The following QRFP variants were observed in gnomAD, a reference collection of about 807,000 sequenced individuals.
The protein encoded by QRFP is orexigenic neuropeptide QRFP.
QRFP carries 7 observed loss-of-function variants against 9.1 expected under a neutral mutation model. That is an observed-to-expected ratio of 0.77 (90% CI 0.44 to 1.45). The LOEUF is 1.45. Ranked by LOEUF, QRFP falls within the 40% of genes most tolerant of loss-of-function variation. The pLI is 0.01. For missense variants in QRFP, 204 were observed against 185.4 expected (o/e 1.10, Z -0.58); for synonymous variants, 91 against 80.2 (o/e 1.13, Z -0.72).
At position 130,893,164 on chromosome 9, in the gene QRFP, G is replaced by A. The variant is rs577280641; in HGVS notation, c.*264C>T. On this transcript the variant is annotated 3_prime_UTR_variant, in exon 3 of 3. Transcript: ENST00000623824. ...TGCCCCTGGGGCCAGGGGGCTGCTC[G>A]GAGTCAAAGCCCCAGGGGAAGAGAG... is the stretch of plus-strand genomic sequence containing the variant. The A allele has an allele frequency of 2.4e-4, 80 of 333,706 alleles. No homozygotes were observed. Among genetic ancestry groups the A allele is most frequent in the Non-Finnish European group, 3.8e-4 (70 of 184,604 alleles). 20.7% of individuals were successfully genotyped at this position (333,706 alleles called of 1,614,324 possible).
chr9:130,893,537 A>G lies in QRFP; in HGVS notation c.302T>C (p.Leu101Pro). 6.2e-7 allele frequency: 1 copy of G among 1,612,536 alleles called. No homozygotes were observed. Among genetic ancestry groups the G allele is most frequent in the African/African-American group, 1.3e-5 (1 of 75,000 alleles). The change falls in exon 3 of 3, where the codon CTC becomes CCC. Residue 101 changes from leucine (L) to proline (P), a missense_variant. By Grantham distance (98) the Leu-to-Pro change is moderately conservative. Coordinates refer to ENST00000623824, the MANE Select transcript of QRFP (RefSeq NM_198180.3). ...QDEGSEATGFLPAAGEKTSGP... is the reference protein window; with the variant it reads ...QDEGSEATGFPPAAGEKTSGP... ...GCTGGTCTTCTCCCCCGCAGCAGGG[A>G]GGAAGCCGGTGGCCTCACTGCCTTC...
In QRFP at chr9:130,893,824, G is replaced by A. The variant is rs769201938; in HGVS notation, c.15C>T (p.Tyr5=). The change falls in exon 3 of 3, where the codon TAC becomes TAT. Residue 5 remains tyrosine, a synonymous_variant. Coordinates refer to ENST00000623824, the MANE Select transcript of QRFP (RefSeq NM_198180.3). MVRP[Y]PLIYFLFLPL... ...GCAGGAAGAGGAAGTAGATCAGGGG[G>A]TAAGGCCTTACCATCTGACCCAGAG... is the stretch of plus-strand genomic sequence containing the variant. 3.3e-6 allele frequency: 5 copies of A among 1,532,844 alleles called. No individual in the cohort carries two copies. Among genetic ancestry groups the A allele is most frequent in the Middle Eastern group, 1.8e-4 (1 of 5,708 alleles). The allele number at this position is 1,532,844 out of a possible 1,614,324, so 95.0% of individuals were successfully genotyped here. A position where few individuals can be genotyped will look rare whatever the true frequency, so the allele number is the denominator to read the frequency against.
Position 130,892,800 on chromosome 9 carries a change from GA to G in QRFP, c.*627del, listed in dbSNP as rs201793180. 5,538 of 151,178 alleles carry G rather than the reference GA, an allele frequency of 0.037. 111 individuals carry two copies. The highest frequency in any genetic ancestry group is 0.042 in the Non-Finnish European group (2,862 of 67,866). 9.4% of individuals were successfully genotyped at this position (151,178 alleles called of 1,614,324 possible). A position where few individuals can be genotyped will look rare whatever the true frequency, so the allele number is the denominator to read the frequency against. On this transcript the variant is annotated 3_prime_UTR_variant, in exon 3 of 3. Transcript: ENST00000623824. ...TGCAACCTTGCTATAGCAAAAACGG[GA>G]TTCCTTCCCAACGCATCTCCCAGGA... is the stretch of plus-strand genomic sequence containing the variant.
chr9:130,896,344 T>A (rs1283524695), intron 1 of QRFP, among the ~76,000 whole-genome samples: 1 of 152,224 alleles, frequency 6.6e-6, no homozygotes, highest in Admixed American at 6.5e-5. Flanking sequence ...GTGGAGCATT[T>A]GCCTGTGGCC....
In QRFP at chr9:130,893,473, G is replaced by A; in HGVS notation, c.366C>T (p.Tyr122=). ...AGCTGAAGCCGCCTTTCTTCCTGCT[G>A]TAGCCATTGAGCTCCTCAGCCAGGT... The part of the protein sequence containing the change: ...LGNLAEELNG[Y]SRKKGGFSFR... The change falls in exon 3 of 3, where the codon TAC becomes TAT. Residue 122 remains tyrosine, a synonymous_variant. Coordinates refer to ENST00000623824, the MANE Select transcript of QRFP (RefSeq NM_198180.3). 2 of 1,602,060 alleles carry A rather than the reference G, an allele frequency of 1.2e-6. No homozygotes were observed. Among genetic ancestry groups the A allele is most frequent in the Non-Finnish European group, 1.7e-6 (2 of 1,172,030 alleles).
chr9:130,894,298 C>T (rs531365113), intron 2 of QRFP, among the ~76,000 whole-genome samples: 1 of 152,310 alleles, frequency 6.6e-6, no homozygotes, highest in Non-Finnish European at 1.5e-5. Flanking sequence ...ATGTCTCTTT[C>T]ACGTGGGAAC....
chr9:130,894,921 C>T (rs28507554), intron 2 of QRFP, among the ~76,000 whole-genome samples: 2,681 of 152,222 alleles, frequency 0.018, 73 homozygotes, highest in African/African-American at 0.06. Context: ...GCTTGTCCTC[C>T]GCAGAGTCAA....
chr9:130,893,757 T>G lies in QRFP; in HGVS notation c.82A>C (p.Thr28Pro). ...CFPLLDRREP[T>P]DAMGGLGAGE... Reference sequence around the variant, plus strand: ...GCTCCGAGGCCACCCATGGCGTCTGTGGGCTCTCTTCTGTCCAGTAGAGGG... The same window carrying G: ...GCTCCGAGGCCACCCATGGCGTCTGGGGGCTCTCTTCTGTCCAGTAGAGGG... The change falls in exon 3 of 3, where the codon ACA (threonine) becomes CCA (proline). Residue 28 changes from threonine (T) to proline (P), a missense_variant. By Grantham distance (38) the Thr-to-Pro change is conservative. Coordinates refer to ENST00000623824, the MANE Select transcript of QRFP (RefSeq NM_198180.3). The G allele has an allele frequency of 6.2e-7, 1 of 1,607,986 alleles. No individual in the cohort carries two copies. Among genetic ancestry groups the G allele is most frequent in the South Asian group, 1.1e-5 (1 of 90,712 alleles).
intron 1 of QRFP, among the ~76,000 whole-genome samples, chr9:130,896,230 G>A (rs567770487): frequency 8.5e-5 from 13 of 152,202 alleles, no homozygotes; most frequent in Non-Finnish European, 1.5e-4. Flanking sequence ...CACAGGCACC[G>A]GGCTGCGCGG....
Position 130,893,791 on chromosome 9 carries a change from G to T in QRFP, c.48C>A (p.Gly16=). 6.4e-7 allele frequency: 1 copy of T among 1,560,148 alleles called. No homozygotes were observed. The highest frequency in any genetic ancestry group is 8.7e-7 in the Non-Finnish European group (1 of 1,154,450). ...PLIYFLFLPL[G]ACFPLLDRRE... is the part of the protein sequence containing the mutation. ...TTCTGTCCAGTAGAGGGAAGCAGGC[G>T]CCCAGCGGCAGGAAGAGGAAGTAGA... The change falls in exon 3 of 3, where the codon GGC becomes GGA. Residue 16 remains glycine (G), a synonymous_variant. Transcript: ENST00000623824.
Position 130,893,422 on chromosome 9 carries a change from G to A in QRFP, c.*6C>T, listed in dbSNP as rs1417116357. The A allele has an allele frequency of 1.9e-6, 3 of 1,572,030 alleles. No individual in the cohort carries two copies. In the East Asian group the frequency reaches 6.8e-5, roughly 36 times the overall value. On this transcript the variant is annotated 3_prime_UTR_variant, in exon 3 of 3. Coordinates refer to ENST00000623824, the MANE Select transcript of QRFP (RefSeq NM_198180.3). Reference sequence around the variant, plus strand: ...GAAGCAAATCCTTCCAAGGCGTCCTGGCCCTTCACCGCCGACCGAAGCGGA... The same window carrying A: ...GAAGCAAATCCTTCCAAGGCGTCCTAGCCCTTCACCGCCGACCGAAGCGGA...
rs1465665095 is a variant in QRFP at position 130,893,852 on chromosome 9, AAG to A, written c.1-16_1-15del. The A allele has an allele frequency of 1.0e-5, 15 of 1,500,014 alleles. No homozygotes were observed. The Middle Eastern group carries it at 7.1e-4, about 71-fold the overall frequency. 92.9% of individuals were successfully genotyped at this position (1,500,014 alleles called of 1,614,324 possible). ...AGGCCTTACCATCTGACCCAGAGGA[AAG>A]AGAGGCAGAGTGACAGGCTGCACAC... On this transcript the variant is annotated splice_polypyrimidine_tract_variant and intron_variant, in intron 2 of 2. Coordinates refer to ENST00000623824, the MANE Select transcript of QRFP (RefSeq NM_198180.3).
Position 130,893,358 on chromosome 9 carries a change from G to A in QRFP, c.*70C>T, listed in dbSNP as rs527875732. Reference sequence around the variant, plus strand: ...TGGGTGTCGTGGTCTTTGAGACTGGGGGAGAAGGCAGGAGTGAAGACAATG... The same window carrying A: ...TGGGTGTCGTGGTCTTTGAGACTGGAGGAGAAGGCAGGAGTGAAGACAATG... On this transcript the variant is annotated 3_prime_UTR_variant, in exon 3 of 3. Coordinates refer to ENST00000623824, the MANE Select transcript of QRFP (RefSeq NM_198180.3). 8.4e-5 allele frequency: 122 copies of A among 1,459,370 alleles called. No individual in the cohort carries two copies. In the South Asian group the frequency reaches 1.3e-3, roughly 16 times the overall value. 90.4% of individuals were successfully genotyped at this position (1,459,370 alleles called of 1,614,324 possible). A position where few individuals can be genotyped will look rare whatever the true frequency, so the allele number is the denominator to read the frequency against.
At chr9:130,896,186 A>G (rs1831755669) in intron 1 of QRFP, among the ~76,000 whole-genome samples, 1 of 152,198 alleles carries the variant, frequency 6.6e-6, no homozygotes, top group Admixed American at 6.5e-5. Flanking sequence ...TTTCATGGGC[A>G]GGAAAGCCAC....
chr9:130,896,596 G>C lies in QRFP; in HGVS notation c.-305C>G, dbSNP rs1023249971. The stretch of plus-strand genomic sequence containing the variant: ...ACCTACCCCTGCATCCCGGCTGCTG[G>C]GGGATCAGAAGTCATGGGAATAGAG... On this transcript the variant is annotated 5_prime_UTR_variant, in exon 1 of 3. Coordinates refer to ENST00000623824, the MANE Select transcript of QRFP (RefSeq NM_198180.3). The C allele has an allele frequency of 6.6e-6, 1 of 152,290 alleles. No homozygotes were observed. The allele number at this position is 152,290 out of a possible 1,614,324, so 9.4% of individuals were successfully genotyped here. A position where few individuals can be genotyped will look rare whatever the true frequency, so the allele number is the denominator to read the frequency against.
chr9:130,893,609 G>A lies in QRFP; in HGVS notation c.230C>T (p.Ser77Leu), dbSNP rs571067714. ...TCTGCAGCCAGCATGCTCTCTGCCCGATGTCTGCAGCCCCCTGGCTATGAC... is the reference window on the plus strand; with the variant it reads ...TCTGCAGCCAGCATGCTCTCTGCCCAATGTCTGCAGCCCCCTGGCTATGAC... ...LLVIARGLQT[S>L]GREHAGCRFR... Residue 77 changes from serine to leucine, a missense_variant, in exon 3 of 3, where the codon TCG (serine) becomes TTG (leucine). Ser to Leu is a moderately radical substitution (Grantham distance 145). Transcript: ENST00000623824. 44 of 1,611,972 alleles carry A rather than the reference G, an allele frequency of 2.7e-5. 1 individual carries two copies. Among genetic ancestry groups the A allele is most frequent in the South Asian group, 1.3e-4 (12 of 90,964 alleles).
chr9:130,895,664 G>C (rs1490597239), intron 2 of QRFP, 33 bp downstream of exon 2: 1 of 152,718 alleles, frequency 6.5e-6, no homozygotes. Context: ...CCTGAGCTGG[G>C]GTTCCTGCTG....
rs758315713 is a variant in QRFP at position 130,893,858 on chromosome 9, G to T, written c.1-20C>A. The T allele has an allele frequency of 5.3e-6, 8 of 1,497,020 alleles. No individual in the cohort carries two copies. Among genetic ancestry groups the T allele is most frequent in the Admixed American group, 2.3e-5 (1 of 42,930 alleles). 92.7% of individuals were successfully genotyped at this position (1,497,020 alleles called of 1,614,324 possible). ...TACCATCTGACCCAGAGGAAAGAGA[G>T]GCAGAGTGACAGGCTGCACACGTGG... On this transcript the variant is annotated intron_variant, in intron 2 of 2. Coordinates refer to ENST00000623824, the MANE Select transcript of QRFP (RefSeq NM_198180.3).
In QRFP at chr9:130,893,370, G is replaced by A; in HGVS notation, c.*58C>T. The stretch of plus-strand genomic sequence containing the variant: ...TCTTTGAGACTGGGGGAGAAGGCAG[G>A]AGTGAAGACAATGGGGGTGAGTCCA... On this transcript the variant is annotated 3_prime_UTR_variant, in exon 3 of 3. Coordinates refer to ENST00000623824, the MANE Select transcript of QRFP (RefSeq NM_198180.3). The A allele has an allele frequency of 6.7e-7, 1 of 1,492,886 alleles. No homozygotes were observed. The highest frequency in any genetic ancestry group is 1.4e-5 in the South Asian group (1 of 73,954). The allele number at this position is 1,492,886 out of a possible 1,614,324, so 92.5% of individuals were successfully genotyped here. A position where few individuals can be genotyped will look rare whatever the true frequency, so the allele number is the denominator to read the frequency against.
Sources: allele counts gnomAD v4.1 joint callset (sites outside exome capture counted in the v4.1 genomes callset), GRCh38; gene constraint gnomAD v4.1.1; transcripts MANE v1.5; gene names NCBI Gene and HGNC (gene_info 2026-07-23, HGNC 2026-07-21).